TDRD9: variants seen among roughly 807,000 people sequenced by gnomAD.
The protein encoded by TDRD9 is ATP-dependent RNA helicase TDRD9.
TDRD9 carries 124 observed loss-of-function variants against 172.6 expected under a neutral mutation model. The ratio of observed to expected loss-of-function variants is 0.72; its 90% CI spans 0.62 to 0.83. The LOEUF is 0.83. Ranked by LOEUF, TDRD9 falls within the 40% of genes least tolerant of loss-of-function variation. TDRD9 has a pLI of 0.00. For synonymous variants in TDRD9, 619 were observed against 617.1 expected (o/e 1.00, Z -0.05); for missense variants, 1,479 against 1,714.1 (o/e 0.86, Z 2.42).
chr14:104,026,361 A>G (rs1047388328), intron 27 of TDRD9, among the ~76,000 whole-genome samples: 34 of 152,222 alleles, frequency 2.2e-4, no homozygotes, highest in Non-Finnish European at 7.3e-5. Context: ...ATCCAGTAGT[A>G]TCTTCTAATA....
chr14:103,975,605 T>A, intron 7 of TDRD9, 52 bp downstream of exon 7: 1 of 1,512,758 alleles, frequency 6.6e-7, no homozygotes, highest in Middle Eastern at 1.9e-4. Flanking sequence ...TTGTATTGGA[T>A]CAAACCTGCA....
intron 35 of TDRD9, chr14:104,049,991 C>T (rs903929152): frequency 7.2e-6 from 2 of 279,372 alleles, no homozygotes; most frequent in East Asian, 6.9e-5. Context: ...GTGAAATGCA[C>T]CTTGGCTGTT....
intron 19 of TDRD9, among the ~76,000 whole-genome samples, chr14:104,007,690 A>T: frequency 6.6e-6 from 1 of 151,486 alleles, no homozygotes. Context: ...ATTTGGTTCA[A>T]CAGACTGTTT....
intron 1 of TDRD9, among the ~76,000 whole-genome samples, chr14:103,947,009 A>C (rs1192699420): frequency 6.7e-6 from 1 of 149,964 alleles, no homozygotes; most frequent in Non-Finnish European, 1.5e-5. Flanking sequence ...AATCCTAATG[A>C]CTTTTTTTTC....
Position 104,006,692 on chromosome 14 carries a change from G to A in TDRD9, c.1926G>A (p.Gln642=). Residue 642 remains glutamine (Q), a synonymous_variant, in exon 17 of 36, where the codon CAG becomes CAA. Coordinates refer to ENST00000409874, the MANE Select transcript of TDRD9 (RefSeq NM_153046.3). ...ATTTTTTTGCAATGCCTTTCCGGCAGCATCTCGATGGATATAGGTACTGAA... is the reference window on the plus strand; with the variant it reads ...ATTTTTTTGCAATGCCTTTCCGGCAACATCTCGATGGATATAGGTACTGAA... ...LKNFFAMPFR[Q]HLDGYRNKVN... 1.2e-6 allele frequency: 2 copies of A among 1,613,928 alleles called. No individual in the cohort carries two copies. The highest frequency in any genetic ancestry group is 1.1e-5 in the South Asian group (1 of 91,062).
Position 103,980,199 on chromosome 14 carries a change from TAAAAG to T in TDRD9, c.1011+4653_1011+4657del, listed in dbSNP as rs771050517. Among the ~76,000 whole-genome samples, 1,011 of 152,068 alleles carry T rather than the reference TAAAAG, an allele frequency of 6.6e-3. 8 individuals are homozygous for T. Among genetic ancestry groups the T allele is most frequent in the African/African-American group, 0.023 (947 of 41,448 alleles). On this transcript the variant is annotated intron_variant, in intron 7 of 35. Coordinates refer to ENST00000409874, the MANE Select transcript of TDRD9 (RefSeq NM_153046.3). The surrounding 1 kb of genome is among the most constrained non-coding windows in gnomAD (Gnocchi z 4.5). ...GAAATAAAGACACAAGACAAAGAGATAAAAGAAAAGACAGCTGGGCCTGGGGGACC... is the reference window on the plus strand; with the variant it reads ...GAAATAAAGACACAAGACAAAGAGATAAAAGACAGCTGGGCCTGGGGGACC...
chr14:104,001,086 A>G (rs953275240), intron 13 of TDRD9, among the ~76,000 whole-genome samples: 4 of 152,196 alleles, frequency 2.6e-5, no homozygotes, highest in Non-Finnish European at 5.9e-5. Context: ...TTGTTTCACA[A>G]TTTTACCTGT....
chr14:103,943,040 GT>G (rs544566720), intron 1 of TDRD9, among the ~76,000 whole-genome samples: 15 of 146,864 alleles, frequency 1.0e-4, no homozygotes, highest in Admixed American at 1.4e-4. Flanking sequence ...TCATTTTCGT[GT>G]TTTTTTTTTG....
chr14:103,929,365 C>T (rs909160895), intron 1 of TDRD9, among the ~76,000 whole-genome samples: 5 of 152,038 alleles, frequency 3.3e-5, no homozygotes, highest in African/African-American at 1.2e-4. Flanking sequence ...TGATGGGTTT[C>T]TGTCACTTAG....
At chr14:104,019,301 CTGGAT>C (rs1375969860) in intron 23 of TDRD9, among the ~76,000 whole-genome samples, 1 of 152,120 alleles carries the variant, frequency 6.6e-6, no homozygotes, top group African/African-American at 2.4e-5. Flanking sequence ...TTCTTTACAA[CTGGAT>C]TGGGTTCTGT....
chr14:103,955,306 C>T (rs1032555103), intron 1 of TDRD9, among the ~76,000 whole-genome samples: 1 of 151,908 alleles, frequency 6.6e-6, no homozygotes. Context: ...GTTGAGGTTA[C>T]AGTGAGCTAT....
intron 35 of TDRD9, among the ~76,000 whole-genome samples, chr14:104,051,577 A>G (rs2035936640): frequency 6.6e-6 from 1 of 152,188 alleles, no homozygotes; most frequent in African/African-American, 2.4e-5. Context: ...CCAATGGTGT[A>G]TAAGCATTCT....
In TDRD9 at chr14:104,007,194, G is replaced by A. The variant is rs752318349; in HGVS notation, c.2042G>A (p.Arg681Gln). The part of the protein sequence containing the change: ...WKACRQTGEL[R>Q]YPKDELNWGR... ...GCTTGCAGACAGACAGGGGAGCTGC[G>A]GTACCCGAAGGTTGGTGAGCCCTTT... The change falls in exon 19 of 36, where the codon CGG becomes CAG. Residue 681 changes from arginine (R) to glutamine (Q), a missense_variant. Coordinates refer to ENST00000409874, the MANE Select transcript of TDRD9 (RefSeq NM_153046.3). 3.0e-5 allele frequency: 48 copies of A among 1,613,690 alleles called. No homozygotes were observed. Among genetic ancestry groups the A allele is most frequent in the Admixed American group, 6.7e-5 (4 of 59,972 alleles).
intron 22 of TDRD9, among the ~76,000 whole-genome samples, chr14:104,017,277 A>G (rs185130040): frequency 1.3e-4 from 19 of 151,754 alleles, no homozygotes; most frequent in African/African-American, 4.6e-4. Flanking sequence ...TAGTGTGTAC[A>G]TCATAAAAGC....
At chr14:104,018,775 A>AT (rs2034868033) in intron 23 of TDRD9, among the ~76,000 whole-genome samples, 1 of 152,122 alleles carries the variant, frequency 6.6e-6, no homozygotes, top group Non-Finnish European at 1.5e-5. Context: ...AAAGTTAGAA[A>AT]TTTTTTCCAG....
chr14:103,999,895 A>G (rs1455649552), intron 13 of TDRD9, among the ~76,000 whole-genome samples: 1 of 152,186 alleles, frequency 6.6e-6, no homozygotes, highest in African/African-American at 2.4e-5. Flanking sequence ...GCTCAAGGTT[A>G]TAGTAGGAAG....
At chr14:104,014,289 T>G (rs1026179442) in intron 20 of TDRD9, among the ~76,000 whole-genome samples, 1 of 151,728 alleles carries the variant, frequency 6.6e-6, no homozygotes, top group South Asian at 2.1e-4. Flanking sequence ...TTATTTCTTT[T>G]TTTTTTTGGA....
In TDRD9 at chr14:103,986,179, G is replaced by A. The variant is rs770975656; in HGVS notation, c.1012-38G>A. 1.9e-5 allele frequency: 29 copies of A among 1,528,472 alleles called. No individual in the cohort carries two copies. In the Admixed American group the frequency reaches 2.0e-4, roughly 11 times the overall value. The allele number at this position is 1,528,472 out of a possible 1,614,324, so 94.7% of individuals were successfully genotyped here. ...AACGCCAGGTTTCTTCTGTAATCCT[G>A]TTTTCGTATTGCGACTTTTTTCTTT... is the stretch of plus-strand genomic sequence containing the variant. On this transcript the variant is annotated intron_variant, in intron 7 of 35. Coordinates refer to ENST00000409874, the MANE Select transcript of TDRD9 (RefSeq NM_153046.3).
chr14:103,928,715 C>A lies in TDRD9; in HGVS notation c.206C>A (p.Ala69Glu). 1 of 1,162,154 alleles carries A rather than the reference C, an allele frequency of 8.6e-7. No individual in the cohort carries two copies. Among genetic ancestry groups the A allele is most frequent in the Non-Finnish European group, 1.1e-6 (1 of 932,242 alleles). 72.0% of individuals were successfully genotyped at this position (1,162,154 alleles called of 1,614,324 possible). ...LAQAPARPAA[A>E]FERSLSQRSS... ...CAAGCTCCGGCCCGGCCGGCCGCTGCGTTCGAAAGGTAGGACGCGGGCGGG... is the reference window on the plus strand; with the variant it reads ...CAAGCTCCGGCCCGGCCGGCCGCTGAGTTCGAAAGGTAGGACGCGGGCGGG... Residue 69 changes from alanine (A) to glutamate (E), a missense_variant, in exon 1 of 36, where the codon GCG becomes GAG. Transcript: ENST00000409874.
Sources: gnomAD v4.1 joint callset for allele counts (sites outside exome capture counted in the v4.1 genomes callset) on GRCh38, gnomAD v4.1.1 for gene constraint, Gnocchi (gnomAD v3.1) non-coding constraint, MANE v1.5 for transcripts, NCBI Gene and HGNC (gene_info 2026-07-23, HGNC 2026-07-21) for gene names.